Variants in HYKK observed in about 807,000 individuals in gnomAD.
HYKK encodes 5-hydroxy-L-lysine kinase.
Under a neutral mutation model 29.7 loss-of-function variants are expected in HYKK, and 19 were observed. That is an observed-to-expected ratio of 0.64 (90% CI 0.45 to 0.94). HYKK has a LOEUF of 0.94. Ranked by LOEUF, HYKK falls within the 40% of genes least tolerant of loss-of-function variation. HYKK has a pLI of 0.00. For missense variants in HYKK, 390 were observed against 443.4 expected, an observed-to-expected ratio of 0.88 and a Z score of 1.08; for synonymous variants, 152 against 158.1, an observed-to-expected ratio of 0.96 and a Z score of 0.29.
In HYKK at chr15:78,527,531, A is replaced by T; in HGVS notation, c.629A>T (p.Glu210Val). Residue 210 changes from glutamate to valine, a missense_variant, in exon 4 of 5, where the codon GAA becomes GTA. Coordinates refer to ENST00000388988, the MANE Select transcript of HYKK (RefSeq NM_001013619.4). The stretch of plus-strand genomic sequence containing the variant: ...CATGTCATTCATCTGTTCAAGGAGG[A>T]AGTAATGACCAAATTAAGTCATTTT... ...VEHVIHLFKE[E>V]VMTKLSHFRE... The T allele has an allele frequency of 6.2e-7, 1 of 1,614,152 alleles. No individual in the cohort carries two copies. The highest frequency in any genetic ancestry group is 8.5e-7 in the Non-Finnish European group (1 of 1,180,004).
intron 4 of HYKK, 149 bp from the exon 5 acceptor site, chr15:78,533,061 G>A: frequency 1.6e-6 from 1 of 616,164 alleles, no homozygotes; most frequent in Non-Finnish European, 2.8e-6. Context: ...ATTCTTTTCA[G>A]AGGAAATTAT....
chr15:78,512,527 G>A (rs1403883514), intron 1 of HYKK, among the ~76,000 whole-genome samples: 13 of 148,908 alleles, frequency 8.7e-5, no homozygotes, highest in Admixed American at 7.5e-4. Flanking sequence ...TCAGCCTCCC[G>A]AGTAGTTGGG....
intron 2 of HYKK, 84 bp downstream of exon 2, chr15:78,513,509 G>T (rs908079344): frequency 2.5e-5 from 23 of 921,648 alleles, no homozygotes; most frequent in Non-Finnish European, 3.3e-5. Context: ...TGAAGAGCAG[G>T]TTCATAATTC....
At chr15:78,525,144 T>A (rs561891685) in intron 3 of HYKK, among the ~76,000 whole-genome samples, 12 of 152,252 alleles carry the variant, frequency 7.9e-5, no homozygotes, top group South Asian at 6.2e-4. Flanking sequence ...GGAACTTTTT[T>A]TTTTTATTTT....
intron 2 of HYKK, among the ~76,000 whole-genome samples, chr15:78,513,914 G>T (rs536454842): frequency 8.0e-4 from 121 of 152,046 alleles, no homozygotes; most frequent in Admixed American, 1.4e-3. Flanking sequence ...ACTTCAGCCT[G>T]CTGAGTAGCT....
At chr15:78,508,373 A>C (rs1371116807) in intron 1 of HYKK, among the ~76,000 whole-genome samples, 1 of 152,234 alleles carries the variant, frequency 6.6e-6, no homozygotes, top group African/African-American at 2.4e-5. Flanking sequence ...AGAAAGGTAG[A>C]GTTGGAAGAC....
intron 3 of HYKK, among the ~76,000 whole-genome samples, chr15:78,519,159 GGCATACTTGGTGCTCAGCATA>G (rs1465936472): frequency 6.6e-6 from 1 of 151,972 alleles, no homozygotes; most frequent in African/African-American, 2.4e-5. Context: ...CAGCCCCAGG[GGCATACTTGGTGCTCAGCATA>G]TGTTTATAAA....
chr15:78,530,189 ATTAT>A lies in HYKK; in HGVS notation c.661+2637_661+2640del, dbSNP rs201121645. Among the ~76,000 whole-genome samples the A allele has an allele frequency of 6.8e-3, 686 of 101,532 alleles. 2 individuals are homozygous for A. Among genetic ancestry groups the A allele is most frequent in the Non-Finnish European group, 6.6e-3 (352 of 53,512 alleles). 66.6% of individuals were successfully genotyped at this position (101,532 alleles called of 152,430 possible). On this transcript the variant is annotated intron_variant, in intron 4 of 4. Transcript: ENST00000388988. The stretch of plus-strand genomic sequence containing the variant: ...AGTTCACAAACCATGAAATTCAACC[ATTAT>A]TTATTTATTTTTTTTTTTTTTTTTT...
intron 4 of HYKK, chr15:78,528,328 C>G (rs1178494488): frequency 1.7e-6 from 1 of 597,138 alleles, no homozygotes; most frequent in East Asian, 1.4e-4. Context: ...CCAAAACCAT[C>G]CTTCCGCTGT....
intron 4 of HYKK, 122 bp from the exon 5 acceptor site, chr15:78,533,088 T>C: frequency 1.6e-6 from 1 of 637,900 alleles, no homozygotes; most frequent in South Asian, 2.1e-5. Flanking sequence ...TCAAGAAAAA[T>C]AGGGCCTGGC....
intron 4 of HYKK, among the ~76,000 whole-genome samples, chr15:78,532,484 C>T (rs1026530613): frequency 6.6e-6 from 1 of 152,142 alleles, no homozygotes; most frequent in Non-Finnish European, 1.5e-5. Flanking sequence ...ACCATGTTAT[C>T]AGAAAATTTT....
chr15:78,513,007 C>G, intron 1 of HYKK, 77 bp from the exon 2 acceptor site: 3 of 758,042 alleles, frequency 4.0e-6, no homozygotes, highest in Non-Finnish European at 6.6e-6. Flanking sequence ...CATTACTGGT[C>G]TGTCTTGAGA....
At chr15:78,514,374 G>T (rs752103795) in intron 2 of HYKK, among the ~76,000 whole-genome samples, 3 of 152,094 alleles carry the variant, frequency 2.0e-5, no homozygotes, top group Non-Finnish European at 4.4e-5. Context: ...TAAGCAACAG[G>T]CTAAAACCAA....
chr15:78,520,871 AC>A (rs1203463791), intron 3 of HYKK, among the ~76,000 whole-genome samples: 1 of 140,374 alleles, frequency 7.1e-6, no homozygotes, highest in Non-Finnish European at 1.5e-5. Flanking sequence ...CGGGGGGCTG[AC>A]CCCCCCACCT....
At position 78,533,652 on chromosome 15, in the gene HYKK, A is replaced by C. The variant is rs764434984; in HGVS notation, c.1104A>C (p.Glu368Asp). ...GGTTTGAAACTGCCAAATCCTATGA[A>C]TCTGGGATCTCCATGTGACTGAGAT... ...EIWFETAKSY[E>D]SGISM Residue 368 changes from glutamate (E) to aspartate (D), a missense_variant, in exon 5 of 5, where the codon GAA (glutamate) becomes GAC (aspartate). Glu to Asp is a conservative substitution (Grantham distance 45, BLOSUM62 2). Transcript: ENST00000388988. 1 of 1,613,340 alleles carries C rather than the reference A, an allele frequency of 6.2e-7. No homozygotes were observed.
rs1363864275 is a variant in HYKK at position 78,534,854 on chromosome 15, T to G, written c.*1184T>G. On this transcript the variant is annotated 3_prime_UTR_variant, in exon 5 of 5. Transcript: ENST00000388988. ...TTAAATATAATGGTTCCTTTCAGAC[T>G]GATACCAGGAACCTCCTTAAGCATA... is the stretch of plus-strand genomic sequence containing the variant. 6.6e-6 allele frequency: 1 copy of G among 152,212 alleles called. No homozygotes were observed. The highest frequency in any genetic ancestry group is 2.4e-5 in the African/African-American group (1 of 41,452). 9.4% of individuals were successfully genotyped at this position (152,212 alleles called of 1,614,324 possible). A position where few individuals can be genotyped will look rare whatever the true frequency, so the allele number is the denominator to read the frequency against.
In HYKK at chr15:78,533,509, G is replaced by A. The variant is rs766629454; in HGVS notation, c.961G>A (p.Ala321Thr). The change falls in exon 5 of 5, where the codon GCA becomes ACA. Residue 321 changes from alanine (A) to threonine (T), a missense_variant. Transcript: ENST00000388988. ...SRFCQSLVMA[A>T]YSCQLYPENK... ...TTTTTGTCAGTCACTTGTCATGGCT[G>A]CATACTCTTGCCAGCTATACCCAGA... The A allele has an allele frequency of 2.5e-6, 4 of 1,614,062 alleles. No homozygotes were observed. The African/African-American group carries it at 5.3e-5, about 22-fold the overall frequency.
In HYKK at chr15:78,534,904, A is replaced by G. The variant is rs1000461836; in HGVS notation, c.*1234A>G. 1 of 152,222 alleles carries G rather than the reference A, an allele frequency of 6.6e-6. No individual in the cohort carries two copies. The highest frequency in any genetic ancestry group is 6.5e-5 in the Admixed American group (1 of 15,274). 9.4% of individuals were successfully genotyped at this position (152,222 alleles called of 1,614,324 possible). A position where few individuals can be genotyped will look rare whatever the true frequency, so the allele number is the denominator to read the frequency against. On this transcript the variant is annotated 3_prime_UTR_variant, in exon 5 of 5. Transcript: ENST00000388988. ...ATAAGCATATATTTTTTAATTCTCT[A>G]TAATCTGTTTCTTTTTGGATGACTA...
At position 78,517,031 on chromosome 15, in the gene HYKK, A is replaced by AAAAG. The variant is rs1555411379; in HGVS notation, c.477+1938_477+1941dup. Among the ~76,000 whole-genome samples, 4 of 152,070 alleles carry AAAAG rather than the reference A, an allele frequency of 2.6e-5. No individual in the cohort carries two copies. The East Asian group carries it at 7.8e-4, about 29-fold the overall frequency. On this transcript the variant is annotated intron_variant, in intron 3 of 4. Coordinates refer to ENST00000388988, the MANE Select transcript of HYKK (RefSeq NM_001013619.4). ...AAGACCTTGTCTCAAAAAAAAAGAAAAAAGAAAGAAAGAAAGACATTGCTC... is the reference window on the plus strand; with the variant it reads ...AAGACCTTGTCTCAAAAAAAAAGAAAAAAGAAAGAAAGAAAGAAAGACATTGCTC...
Sources: gnomAD v4.1 joint callset for allele counts (sites outside exome capture counted in the v4.1 genomes callset) on GRCh38, gnomAD v4.1.1 for gene constraint, MANE v1.5 for transcripts, NCBI Gene and HGNC (gene_info 2026-07-23, HGNC 2026-07-21) for gene names.